Variants in CAP2 observed in about 807,000 individuals in gnomAD.
CAP2 encodes the protein adenylyl cyclase-associated protein 2.
A neutral mutation model predicts 57.7 loss-of-function variants in CAP2; 24 were observed. The observed-to-expected ratio is 0.42, with a 90% CI of 0.30 to 0.58. CAP2 has a LOEUF of 0.58. Ranked by LOEUF, CAP2 falls within the 20% of genes least tolerant of loss-of-function variation. The probability of loss-of-function intolerance (pLI) is 0.22; values close to 1 mark genes in which losing one functional copy is unlikely to be tolerated. For missense variants in CAP2, 501 were observed against 590.3 expected, an observed-to-expected ratio of 0.85 and a Z score of 1.57; for synonymous variants, 194 against 207.2, an observed-to-expected ratio of 0.94 and a Z score of 0.55.
intron 11 of CAP2, among the ~76,000 whole-genome samples, chr6:17,547,718 A>G (rs561838153): frequency 4.3e-4 from 65 of 151,944 alleles, no homozygotes; most frequent in East Asian, 2.9e-3. Flanking sequence ...GCGGGTGCCC[A>G]TAGTCCCAGC....
intron 11 of CAP2, among the ~76,000 whole-genome samples, chr6:17,549,471 A>G (rs538245941): frequency 2.2e-4 from 34 of 152,320 alleles, no homozygotes; most frequent in Non-Finnish European, 3.4e-4. Flanking sequence ...TCTTCAAAAA[A>G]AAAGAAAGAA....
chr6:17,461,620 A>G (rs944700434), intron 3 of CAP2, among the ~76,000 whole-genome samples: 1 of 152,200 alleles, frequency 6.6e-6, no homozygotes, highest in Non-Finnish European at 1.5e-5. Context: ...CTTAAAAACT[A>G]GAAAAAAATG....
chr6:17,476,662 C>T (rs1193463933), intron 4 of CAP2, among the ~76,000 whole-genome samples: 1 of 152,142 alleles, frequency 6.6e-6, no homozygotes, highest in African/African-American at 2.4e-5. Context: ...GTTCTGCCAT[C>T]TCCCAAGGCT....
At chr6:17,460,619 A>C (rs761470194) in intron 3 of CAP2, among the ~76,000 whole-genome samples, 12 of 152,210 alleles carry the variant, frequency 7.9e-5, no homozygotes, top group Non-Finnish European at 1.5e-4. Flanking sequence ...TAATTATCCC[A>C]GTCTCAACAT....
chr6:17,471,149 T>C (rs1008674069), intron 4 of CAP2, among the ~76,000 whole-genome samples: 1 of 152,116 alleles, frequency 6.6e-6, no homozygotes, highest in Non-Finnish European at 1.5e-5. Context: ...GTCTAGAAAT[T>C]GCAAAGGAAA....
chr6:17,398,082 T>C (rs1758716151), intron 1 of CAP2, among the ~76,000 whole-genome samples: 1 of 152,210 alleles, frequency 6.6e-6, no homozygotes, highest in South Asian at 2.1e-4. Flanking sequence ...CCCAACGTTT[T>C]AAGAAGTGTG....
At chr6:17,415,687 G>A (rs943242149) in intron 1 of CAP2, among the ~76,000 whole-genome samples, 10 of 152,266 alleles carry the variant, frequency 6.6e-5, no homozygotes, top group Admixed American at 2.0e-4. Context: ...GCTTGCAGCC[G>A]GTCTCCTTGG....
intron 7 of CAP2, among the ~76,000 whole-genome samples, chr6:17,521,848 C>T (rs1305691860): frequency 2.0e-5 from 3 of 152,078 alleles, no homozygotes; most frequent in African/African-American, 7.2e-5. Context: ...GTACCTCAAG[C>T]CTGTAATCCC....
chr6:17,485,448 A>G (rs1270313815), intron 4 of CAP2, among the ~76,000 whole-genome samples: 2 of 152,142 alleles, frequency 1.3e-5, no homozygotes, highest in East Asian at 1.9e-4. Flanking sequence ...CAGCTTGGTA[A>G]CCAGTGAGAA....
intron 1 of CAP2, among the ~76,000 whole-genome samples, chr6:17,409,304 G>A (rs1387016600): frequency 9.2e-5 from 14 of 151,846 alleles, no homozygotes; most frequent in East Asian, 2.0e-4. Flanking sequence ...CCCAGGAAGC[G>A]GATGTTGCGG....
chr6:17,516,939 G>A lies in CAP2; in HGVS notation c.636+2985G>A, dbSNP rs927341658. Among the ~76,000 whole-genome samples the A allele has an allele frequency of 2.0e-5, 3 of 150,620 alleles. 1 individual carries two copies. The highest frequency in any genetic ancestry group is 2.0e-4 in the Admixed American group (3 of 15,116). ...AGTGCAAGATACAACTAAGCGGATT[G>A]TTTTTTTTTTCCTAACCACAACATT... is the stretch of plus-strand genomic sequence containing the variant. On this transcript the variant is annotated intron_variant, in intron 7 of 12. Coordinates refer to ENST00000229922, the MANE Select transcript of CAP2 (RefSeq NM_006366.3).
At chr6:17,420,443 C>G (rs1335571284) in intron 1 of CAP2, among the ~76,000 whole-genome samples, 2 of 152,112 alleles carry the variant, frequency 1.3e-5, no homozygotes, top group East Asian at 3.8e-4. Flanking sequence ...AAACAATTAG[C>G]TCTTAGAGGT....
chr6:17,489,038 G>C (rs558190463), intron 4 of CAP2, among the ~76,000 whole-genome samples: 24 of 152,198 alleles, frequency 1.6e-4, no homozygotes, highest in Admixed American at 3.3e-4. Context: ...GGCCCACTCC[G>C]GCAAACACAG....
intron 3 of CAP2, among the ~76,000 whole-genome samples, chr6:17,451,907 A>G (rs967780839): frequency 6.6e-5 from 10 of 152,242 alleles, no homozygotes. Flanking sequence ...AAAATGTTTG[A>G]CATAGGAAAA....
intron 4 of CAP2, among the ~76,000 whole-genome samples, chr6:17,498,349 GATT>G (rs1761719722): frequency 6.6e-6 from 1 of 152,186 alleles, no homozygotes. Flanking sequence ...TGACAACGTA[GATT>G]ATTATCTATC....
intron 7 of CAP2, among the ~76,000 whole-genome samples, chr6:17,527,289 C>T (rs576622645): frequency 6.6e-6 from 1 of 152,184 alleles, no homozygotes; most frequent in African/African-American, 2.4e-5. Flanking sequence ...ACATGTCCCT[C>T]TTGGTCTTTA....
chr6:17,497,946 T>C (rs905280070), intron 4 of CAP2, among the ~76,000 whole-genome samples: 2 of 152,238 alleles, frequency 1.3e-5, no homozygotes, highest in African/African-American at 2.4e-5. Flanking sequence ...ATTCAGGATA[T>C]GAGCTATTGT....
chr6:17,458,366 G>C (rs934767994), intron 3 of CAP2, among the ~76,000 whole-genome samples: 10 of 152,172 alleles, frequency 6.6e-5, no homozygotes, highest in Non-Finnish European at 1.2e-4. Flanking sequence ...TATATCTGTT[G>C]TGTTAATGAT....
intron 3 of CAP2, among the ~76,000 whole-genome samples, chr6:17,449,399 AT>A (rs1322430993): frequency 6.6e-6 from 1 of 151,964 alleles, no homozygotes; most frequent in African/African-American, 2.4e-5. Flanking sequence ...TTGTGCAATT[AT>A]TTTATTATTA....
Sources: allele counts gnomAD v4.1 joint callset (sites outside exome capture counted in the v4.1 genomes callset), GRCh38; gene constraint gnomAD v4.1.1; transcripts MANE v1.5; gene names NCBI Gene and HGNC (gene_info 2026-07-23, HGNC 2026-07-21).